INTS15: variants seen among roughly 807,000 people sequenced by gnomAD.
INTS15 encodes integrator complex subunit 15, also known as uncharacterized protein C7orf26.
the INTS15 span, among the ~76,000 whole-genome samples, chr7:6,600,783 G>A: frequency 2.1e-4 from 32 of 151,438 alleles, no homozygotes; most frequent in Non-Finnish European, 4.0e-4. Context: ...TCAGCCTCCC[G>A]AAGAGCTGGG....
At chr7:6,599,608 G>A in the INTS15 span, among the ~76,000 whole-genome samples, 1 of 152,184 alleles carries the variant, frequency 6.6e-6, no homozygotes, top group African/African-American at 2.4e-5. Flanking sequence ...TTGCTCCAGG[G>A]TCCTGGGCAC....
At chr7:6,595,644 T>A in the INTS15 span, among the ~76,000 whole-genome samples, 1 of 152,202 alleles carries the variant, frequency 6.6e-6, no homozygotes, top group East Asian at 1.9e-4. Flanking sequence ...CCTGGACATA[T>A]GACTTGATTT....
chr7:6,598,937 C>T, the INTS15 span, among the ~76,000 whole-genome samples: 1 of 152,048 alleles, frequency 6.6e-6, no homozygotes, highest in Non-Finnish European at 1.5e-5. Flanking sequence ...TAGGTGTGCA[C>T]CACCACTGCC....
At chr7:6,607,858 G>T in the INTS15 span, 2 of 1,540,256 alleles carry the variant, frequency 1.3e-6, no homozygotes, top group South Asian at 1.2e-5. This position sits in a 1 kb window ranked among gnomAD's most constrained non-coding sequence, Gnocchi z 6.0. Flanking sequence ...CTGTGTCGGT[G>T]CCTCTCCTGG....
At chr7:6,591,725 G>A in the INTS15 span, 5 of 1,614,118 alleles carry the variant, frequency 3.1e-6, no homozygotes, top group Admixed American at 1.7e-5. Context: ...GACTCTGTTC[G>A]GCAGATTATT....
chr7:6,600,084 T>C, the INTS15 span: 19 of 1,614,176 alleles, frequency 1.2e-5, no homozygotes, highest in South Asian at 9.9e-5. Flanking sequence ...GGCGTGGGGA[T>C]GGACAGAGAC....
At chr7:6,592,008 C>G in the INTS15 span, 11 of 678,084 alleles carry the variant, frequency 1.6e-5, no homozygotes, top group African/African-American at 3.6e-5. Context: ...CATGTCTCTA[C>G]TAAAAATACA....
At chr7:6,590,809 T>A in the INTS15 span, among the ~76,000 whole-genome samples, 1 of 151,968 alleles carries the variant, frequency 6.6e-6, no homozygotes, top group Non-Finnish European at 1.5e-5. Context: ...ATGGCTTTCT[T>A]CTTACATCTT....
At chr7:6,599,220 GC>G in the INTS15 span, among the ~76,000 whole-genome samples, 1 of 152,210 alleles carries the variant, frequency 6.6e-6, no homozygotes, top group Non-Finnish European at 1.5e-5. Context: ...CCTGTGCCGG[GC>G]TCATAGGAAG....
chr7:6,604,595 C>T, the INTS15 span, among the ~76,000 whole-genome samples: 10 of 152,140 alleles, frequency 6.6e-5, no homozygotes, highest in Admixed American at 6.6e-4. Flanking sequence ...GTGAGTGGCT[C>T]GGCAGCCCTG....
At chr7:6,608,076 A>AACCCCCCCCCCC in the INTS15 span, 3 of 1,143,484 alleles carry the variant, frequency 2.6e-6, no homozygotes, top group Non-Finnish European at 3.6e-6. Context: ...GTCCCGGCCC[A>AACCCCCCCCCCC]CCCCGCCGCC....
the INTS15 span, among the ~76,000 whole-genome samples, chr7:6,594,087 C>A: frequency 7.3e-6 from 1 of 137,256 alleles, no homozygotes; most frequent in Non-Finnish European, 1.5e-5. Context: ...TGGCTTACTG[C>A]AACCTCTGCT....
At chr7:6,600,235 C>T in the INTS15 span, 1 of 1,614,202 alleles carries the variant, frequency 6.2e-7, no homozygotes, top group Non-Finnish European at 8.5e-7. Flanking sequence ...TAGAGGAGAT[C>T]AACAGGTTGG....
At chr7:6,605,233 C>T in the INTS15 span, among the ~76,000 whole-genome samples, 1 of 152,122 alleles carries the variant, frequency 6.6e-6, no homozygotes, top group Non-Finnish European at 1.5e-5. Flanking sequence ...AAGTGATCTG[C>T]CTGTCTCGGC....
chr7:6,607,856 G>T, the INTS15 span: 2 of 1,538,258 alleles, frequency 1.3e-6, no homozygotes, highest in African/African-American at 2.7e-5. This position sits in a 1 kb window ranked among gnomAD's most constrained non-coding sequence, Gnocchi z 6.0. Context: ...GCCTGTGTCG[G>T]TGCCTCTCCT....
chr7:6,605,279 G>A, the INTS15 span, among the ~76,000 whole-genome samples: 3 of 152,190 alleles, frequency 2.0e-5, no homozygotes, highest in Non-Finnish European at 4.4e-5. Flanking sequence ...ATGAGCCACT[G>A]TACCTGGCCT....
the INTS15 span, chr7:6,602,129 G>C: frequency 6.2e-7 from 1 of 1,613,098 alleles, no homozygotes. Flanking sequence ...GCTCCAGGCT[G>C]CCCCATAATA....
At chr7:6,606,532 G>A in the INTS15 span, among the ~76,000 whole-genome samples, 62 of 152,208 alleles carry the variant, frequency 4.1e-4, 1 homozygote, top group East Asian at 0.011. Context: ...CAGTGCAGGC[G>A]CTGCAGACAC....
the INTS15 span, among the ~76,000 whole-genome samples, chr7:6,591,258 TC>T: frequency 1.3e-5 from 2 of 149,146 alleles, no homozygotes; most frequent in East Asian, 3.9e-4. Context: ...TACTGTTATT[TC>T]CTGTTTTTCT....
Sources: gnomAD v4.1 joint callset for allele counts (sites outside exome capture counted in the v4.1 genomes callset) on GRCh38, gnomAD v4.1.1 for gene constraint, Gnocchi (gnomAD v3.1) non-coding constraint, MANE v1.5 for transcripts, NCBI Gene and HGNC (gene_info 2026-07-23, HGNC 2026-07-21) for gene names.